Variants in RIMS1 observed in about 807,000 individuals in gnomAD.
The protein encoded by RIMS1 is regulating synaptic membrane exocytosis 1, also known as regulating synaptic membrane exocytosis protein 1.
A neutral mutation model predicts 214.1 loss-of-function variants in RIMS1; 83 were observed. The ratio of observed to expected loss-of-function variants is 0.39; its 90% CI spans 0.32 to 0.47. The LOEUF (loss-of-function observed/expected upper bound fraction) is 0.47. Among genes scored for constraint, RIMS1 ranks in the 20% least tolerant of loss-of-function variants. The pLI, the probability that RIMS1 is intolerant of heterozygous loss-of-function variation, is 0.99. For missense variants in RIMS1, 2,050 were observed against 2,161.8 expected (o/e 0.95, Z 1.03); for synonymous variants, 793 against 786.8 (o/e 1.01, Z -0.13).
intron 29 of RIMS1, among the ~76,000 whole-genome samples, chr6:72,353,528 A>G (rs2097534214): frequency 1.3e-5 from 2 of 152,164 alleles, no homozygotes. Context: ...AAGCTTAGCC[A>G]TTTCCTTGCT....
intron 2 of RIMS1, among the ~76,000 whole-genome samples, chr6:72,082,124 C>T: frequency 6.6e-6 from 1 of 152,130 alleles, no homozygotes; most frequent in East Asian, 1.9e-4. Context: ...TATTACTCAG[C>T]TATTCAACTT....
At chr6:72,233,680 T>G (rs1357242504) in intron 6 of RIMS1, 93 bp from the exon 7 acceptor site, 1 of 940,170 alleles carries the variant, frequency 1.1e-6, no homozygotes, top group Non-Finnish European at 1.7e-6. Context: ...CTTATGATAT[T>G]AAAACTCTTT....
intron 8 of RIMS1, among the ~76,000 whole-genome samples, chr6:72,236,946 C>T (rs2064376571): frequency 6.6e-6 from 1 of 152,118 alleles, no homozygotes; most frequent in Non-Finnish European, 1.5e-5. Context: ...TGCCTTTAAT[C>T]TCAACACTTT....
chr6:72,179,319 C>A, intron 4 of RIMS1: 1 of 445,588 alleles, frequency 2.2e-6, no homozygotes. Flanking sequence ...AAAGGAAATT[C>A]AGAATAATCA....
intron 4 of RIMS1, among the ~76,000 whole-genome samples, chr6:72,107,171 T>C (rs1202694811): frequency 1.3e-5 from 2 of 152,198 alleles, no homozygotes; most frequent in African/African-American, 4.8e-5. Flanking sequence ...TGTGAGTTTC[T>C]GGCAGGTAAG....
chr6:72,080,074 TAAAAAAAAAAAAAAAA>T (rs770845471), intron 2 of RIMS1, among the ~76,000 whole-genome samples: 4 of 22,400 alleles, frequency 1.8e-4, no homozygotes, highest in East Asian at 1.7e-3. Context: ...GTGTCTCTAC[TAAAAAAAAAAAAAAAA>T]AAAAAAAAAA....
At chr6:72,251,401 A>T (rs1401084099) in intron 15 of RIMS1, 33 bp downstream of exon 15, 1 of 1,488,262 alleles carries the variant, frequency 6.7e-7, no homozygotes, top group Non-Finnish European at 9.1e-7. Context: ...GCCACAAAGT[A>T]ATTATGCTGT....
intron 2 of RIMS1, among the ~76,000 whole-genome samples, chr6:71,971,844 G>C (rs527324687): frequency 6.3e-4 from 96 of 152,172 alleles, no homozygotes; most frequent in African/African-American, 2.2e-3. Flanking sequence ...GGGTCCCTCC[G>C]CCAATACATG....
intron 1 of RIMS1, among the ~76,000 whole-genome samples, chr6:71,955,443 A>G (rs1157166447): frequency 6.6e-6 from 1 of 152,198 alleles, no homozygotes; most frequent in Non-Finnish European, 1.5e-5. Flanking sequence ...CTGGGATTAC[A>G]GGCATGAGCC....
At chr6:71,969,968 A>G (rs1795444481) in intron 2 of RIMS1, among the ~76,000 whole-genome samples, 1 of 151,736 alleles carries the variant, frequency 6.6e-6, no homozygotes, top group Non-Finnish European at 1.5e-5. Flanking sequence ...TTTCTTCTCT[A>G]CTCCCTGCTT....
intron 2 of RIMS1, among the ~76,000 whole-genome samples, chr6:72,061,625 G>A (rs1429460135): frequency 6.6e-6 from 1 of 152,216 alleles, no homozygotes; most frequent in African/African-American, 2.4e-5. Flanking sequence ...AGATGGAGAG[G>A]CCTGGAGTTC....
chr6:72,047,990 A>C (rs1282022662), intron 2 of RIMS1, among the ~76,000 whole-genome samples: 1 of 152,212 alleles, frequency 6.6e-6, no homozygotes, highest in Non-Finnish European at 1.5e-5. Context: ...TTATACATTC[A>C]AAAATTATTT....
intron 16 of RIMS1, among the ~76,000 whole-genome samples, chr6:72,257,469 T>C (rs994688768): frequency 6.6e-6 from 1 of 152,106 alleles, no homozygotes; most frequent in African/African-American, 2.4e-5. Context: ...TAAGGCAGAT[T>C]TGGCGATTGG....
At chr6:72,271,280 A>T (rs1485839168) in intron 22 of RIMS1, among the ~76,000 whole-genome samples, 644 of 59,902 alleles carry the variant, frequency 0.011, 2 homozygotes, top group Non-Finnish European at 0.017. Context: ...AAAAAAAAAA[A>T]AAAAAAATAT....
At chr6:72,232,237 G>A (rs901608101) in intron 6 of RIMS1, among the ~76,000 whole-genome samples, 7 of 151,520 alleles carry the variant, frequency 4.6e-5, no homozygotes, top group Non-Finnish European at 8.9e-5. Context: ...CTAAGTATAT[G>A]AAATTATAGG....
rs751919430 is a variant in RIMS1, at chr6:72,144,620, C to CA, written c.472-34944dup. Among the ~76,000 whole-genome samples the CA allele has an allele frequency of 2.9e-3, 410 of 141,178 alleles. 7 individuals carry two copies. The East Asian group carries it at 0.051, about 18-fold the overall frequency. The allele number at this position is 141,178 out of a possible 152,430, so 92.6% of individuals were successfully genotyped here. A position where few individuals can be genotyped will look rare whatever the true frequency, so the allele number is the denominator to read the frequency against. On this transcript the variant is annotated intron_variant, in intron 4 of 33. Coordinates refer to ENST00000521978, the MANE Select transcript of RIMS1 (RefSeq NM_014989.7). ...GGTTAGCTCCCATGGTCTTCTTTTC[C>CA]AAAAAAAAAAAGAAGCCTTCAGGTT... is the stretch of plus-strand genomic sequence containing the variant.
At chr6:72,384,306 T>G (rs573727818) in intron 29 of RIMS1, among the ~76,000 whole-genome samples, 1 of 152,206 alleles carries the variant, frequency 6.6e-6, no homozygotes, top group Non-Finnish European at 1.5e-5. Context: ...TACAAAATAG[T>G]CATAGGAGCT....
At chr6:71,938,786 T>C (rs1234538457) in intron 1 of RIMS1, among the ~76,000 whole-genome samples, 2 of 152,228 alleles carry the variant, frequency 1.3e-5, no homozygotes, top group African/African-American at 4.8e-5. Context: ...TATTGTCTTT[T>C]GAAGGCATAG....
At chr6:72,196,385 A>ATCTATCTATCTATCTG (rs1486493838) in intron 6 of RIMS1, among the ~76,000 whole-genome samples, 27 of 53,730 alleles carry the variant, frequency 5.0e-4, no homozygotes, top group African/African-American at 1.7e-3. Context: ...CTGTCTATCT[A>ATCTATCTATCTATCTG]TCTATCTATC....
Sources: gnomAD v4.1 joint callset for allele counts (sites outside exome capture counted in the v4.1 genomes callset) on GRCh38, gnomAD v4.1.1 for gene constraint, MANE v1.5 for transcripts, NCBI Gene and HGNC (gene_info 2026-07-23, HGNC 2026-07-21) for gene names.